The following LASP1 variants were observed in gnomAD, a reference collection of about 807,000 sequenced individuals.
LASP1 encodes the protein LIM and SH3 domain protein 1.
LASP1 carries 10 observed loss-of-function variants against 38.6 expected under a neutral mutation model. The observed-to-expected ratio is 0.26, with a 90% CI of 0.16 to 0.44. The LOEUF (loss-of-function observed/expected upper bound fraction) is 0.44. Ranked by LOEUF, LASP1 falls within the 20% of genes least tolerant of loss-of-function variation. The probability of loss-of-function intolerance (pLI) is 1.00; values close to 1 mark genes in which losing one functional copy is unlikely to be tolerated. For synonymous variants in LASP1, 132 were observed against 140.8 expected, an observed-to-expected ratio of 0.94 and a Z score of 0.44; for missense variants, 243 against 375.7, an observed-to-expected ratio of 0.65 and a Z score of 2.92.
Position 38,898,475 on chromosome 17 carries a change from C to T in LASP1, c.313C>T (p.Pro105Ser). The T allele has an allele frequency of 6.4e-7, 1 of 1,551,656 alleles. No individual in the cohort carries two copies. The highest frequency in any genetic ancestry group is 8.7e-7 in the Non-Finnish European group (1 of 1,146,912). Residue 105 changes from proline (P) to serine (S), a missense_variant, in exon 4 of 7, where the codon CCC becomes TCC. Coordinates refer to ENST00000318008, the MANE Select transcript of LASP1 (RefSeq NM_006148.4). ...AGGTTTCAGCGTAGTGGCAGACACG[C>T]CCGAGCTCCAGAGAATCAAGAAGAC... ...GKGFSVVADTPELQRIKKTQD... is the reference protein window; with the variant it reads ...GKGFSVVADTSELQRIKKTQD...
intron 4 of LASP1, among the ~76,000 whole-genome samples, chr17:38,905,530 CA>C (rs35515925): frequency 0.4 from 36,708 of 92,486 alleles, 5,406 homozygotes; most frequent in Middle Eastern, 0.63. Context: ...GACTCCATCT[CA>C]AAAAAAAAAA....
intron 4 of LASP1, among the ~76,000 whole-genome samples, chr17:38,905,712 A>G (rs1398352878): frequency 6.6e-6 from 1 of 152,006 alleles, no homozygotes; most frequent in Admixed American, 6.6e-5. Context: ...ATGGTTTTAG[A>G]TTGCATTTCT....
chr17:38,908,438 C>G (rs1914831982), intron 4 of LASP1, among the ~76,000 whole-genome samples: 1 of 152,230 alleles, frequency 6.6e-6, no homozygotes, highest in Admixed American at 6.5e-5. Context: ...GAGAGTGGGG[C>G]TCGGGAGACT....
chr17:38,913,608 C>G (rs1915019042), intron 4 of LASP1, among the ~76,000 whole-genome samples: 1 of 152,172 alleles, frequency 6.6e-6, no homozygotes, highest in Admixed American at 6.5e-5. Context: ...ACACCTAGCA[C>G]GGCCCTGGCG....
At chr17:38,882,600 G>A (rs1913987735) in intron 2 of LASP1, among the ~76,000 whole-genome samples, 1 of 152,180 alleles carries the variant, frequency 6.6e-6, no homozygotes, top group African/African-American at 2.4e-5. Context: ...CTTGGTGAGA[G>A]AGATATTTAA....
intron 4 of LASP1, among the ~76,000 whole-genome samples, chr17:38,908,401 C>T (rs1914830610): frequency 6.6e-6 from 1 of 152,250 alleles, no homozygotes; most frequent in Non-Finnish European, 1.5e-5. Context: ...CTCCCCGCCA[C>T]CAACACCAGT....
chr17:38,879,075 C>T (rs550469619), intron 2 of LASP1, among the ~76,000 whole-genome samples: 3 of 151,980 alleles, frequency 2.0e-5, no homozygotes, highest in Admixed American at 6.6e-5. Context: ...GCCTCACAGC[C>T]GCCTCCACCT....
At chr17:38,883,875 C>A (rs36056406) in intron 2 of LASP1, among the ~76,000 whole-genome samples, 2 of 150,892 alleles carry the variant, frequency 1.3e-5, no homozygotes, top group Non-Finnish European at 2.9e-5. Flanking sequence ...TGCTTCCTAT[C>A]GCCACCACTT....
chr17:38,883,755 T>C (rs1914019997), intron 2 of LASP1, among the ~76,000 whole-genome samples: 3 of 147,822 alleles, frequency 2.0e-5, no homozygotes, highest in Admixed American at 6.6e-5. Context: ...TTTTTTTTTT[T>C]TTCTTTTCAT....
In LASP1 at chr17:38,890,417, C is replaced by T; in HGVS notation, c.165-3C>T. On this transcript the variant is annotated splice_polypyrimidine_tract_variant and splice_region_variant and intron_variant, in intron 2 of 6. Coordinates refer to ENST00000318008, the MANE Select transcript of LASP1 (RefSeq NM_006148.4). ...CCCCCACTCTGTTTTTTCTGTCCTG[C>T]AGACACTACCCCAAGCAGTCCTTCA... 1 of 1,613,964 alleles carries T rather than the reference C, an allele frequency of 6.2e-7. No homozygotes were observed. The highest frequency in any genetic ancestry group is 8.5e-7 in the Non-Finnish European group (1 of 1,179,924).
chr17:38,888,558 G>A (rs557777998), intron 2 of LASP1, among the ~76,000 whole-genome samples: 54 of 152,186 alleles, frequency 3.5e-4, no homozygotes, highest in Non-Finnish European at 5.7e-4. Flanking sequence ...GATTATAGGC[G>A]TGAGCCACCA....
In LASP1 at chr17:38,878,766, A is replaced by G. The variant is rs1027803286; in HGVS notation, c.164+586A>G. On this transcript the variant is annotated intron_variant, in intron 2 of 6. Coordinates refer to ENST00000318008, the MANE Select transcript of LASP1 (RefSeq NM_006148.4). Reference sequence around the variant, plus strand: ...ATTTTTTGAGAATGGGCAGGGGTGCATAAAGGGTGTTGCCTGGGCCAGATA... The same window carrying G: ...ATTTTTTGAGAATGGGCAGGGGTGCGTAAAGGGTGTTGCCTGGGCCAGATA... Among the ~76,000 whole-genome samples the G allele has an allele frequency of 7.2e-4, 110 of 152,148 alleles. 1 individual carries two copies. Among genetic ancestry groups the G allele is most frequent in the African/African-American group, 1.9e-4 (8 of 41,426 alleles).
At position 38,889,877 on chromosome 17, in the gene LASP1, T is replaced by C. The variant is rs144921671; in HGVS notation, c.165-543T>C. 8.1e-3 allele frequency among the ~76,000 whole-genome samples: 1,239 copies of C among 152,374 alleles called. 10 individuals carry two copies. The highest frequency in any genetic ancestry group is 0.017 in the Middle Eastern group (5 of 294). On this transcript the variant is annotated intron_variant, in intron 2 of 6. Coordinates refer to ENST00000318008, the MANE Select transcript of LASP1 (RefSeq NM_006148.4). ...AGTTAGGTTGGACCTTGTTAACCGT[T>C]TGAAATACCACTTTAACCGTGTGTT... is the stretch of plus-strand genomic sequence containing the variant.
At chr17:38,872,725 G>A (rs1018244037) in intron 1 of LASP1, among the ~76,000 whole-genome samples, 2 of 152,032 alleles carry the variant, frequency 1.3e-5, no homozygotes, top group Admixed American at 6.5e-5. Context: ...AGACTCACCC[G>A]TTTCTCTACA....
intron 3 of LASP1, 74 bp downstream of exon 3, chr17:38,890,578 C>A: frequency 7.5e-7 from 1 of 1,328,260 alleles, no homozygotes; most frequent in Non-Finnish European, 1.1e-6. Flanking sequence ...CGGCATTTGG[C>A]AAGAGTACCT....
In LASP1 at chr17:38,898,591, C is replaced by T. The variant is rs567922284; in HGVS notation, c.357+72C>T. ...GTCCCCTTCCTGCCAGCCTGGCAGA[C>T]GCAAGCCTGGCAGATGTGAATGAGG... On this transcript the variant is annotated intron_variant, in intron 4 of 6. Coordinates refer to ENST00000318008, the MANE Select transcript of LASP1 (RefSeq NM_006148.4). 27 of 1,159,290 alleles carry T rather than the reference C, an allele frequency of 2.3e-5. 1 individual carries two copies. Among genetic ancestry groups the T allele is most frequent in the African/African-American group, 1.4e-4 (9 of 66,140 alleles). The allele number at this position is 1,159,290 out of a possible 1,614,324, so 71.8% of individuals were successfully genotyped here.
intron 3 of LASP1, among the ~76,000 whole-genome samples, chr17:38,898,146 G>C (rs1914540010): frequency 6.6e-6 from 1 of 152,214 alleles, no homozygotes; most frequent in African/African-American, 2.4e-5. Flanking sequence ...TATATGTATG[G>C]TGGGATCTAA....
intron 2 of LASP1, among the ~76,000 whole-genome samples, chr17:38,887,845 T>C (rs994483426): frequency 3.3e-5 from 5 of 152,218 alleles, no homozygotes; most frequent in Non-Finnish European, 7.3e-5. Flanking sequence ...GTCGCCTGTT[T>C]ACAGGTAGCT....
intron 1 of LASP1, among the ~76,000 whole-genome samples, chr17:38,875,532 G>A (rs1477178617): frequency 2.6e-5 from 4 of 152,130 alleles, no homozygotes; most frequent in African/African-American, 4.8e-5. Context: ...GCTTAGACCC[G>A]CCACTTCTTT....
Sources: gnomAD v4.1 joint callset for allele counts (sites outside exome capture counted in the v4.1 genomes callset) on GRCh38, gnomAD v4.1.1 for gene constraint, MANE v1.5 for transcripts, NCBI Gene and HGNC (gene_info 2026-07-23, HGNC 2026-07-21) for gene names.